Variants in HMGXB4 observed in about 807,000 individuals in gnomAD.
HMGXB4 encodes HMG domain-containing protein 4.
A neutral mutation model predicts 63.9 loss-of-function variants in HMGXB4; 27 were observed. That is an observed-to-expected ratio of 0.42 (90% confidence interval 0.31 to 0.58). The LOEUF is 0.58. Ranked by LOEUF, HMGXB4 falls within the 20% of genes least tolerant of loss-of-function variation. HMGXB4 has a pLI of 0.13. For synonymous variants in HMGXB4, 264 were observed against 265.3 expected (o/e 0.99, Z 0.05); for missense variants, 624 against 700.7 (o/e 0.89, Z 1.24).
chr22:35,279,216 G>A (rs554675531), intron 5 of HMGXB4, among the ~76,000 whole-genome samples: 11 of 126,398 alleles, frequency 8.7e-5, no homozygotes, highest in African/African-American at 2.1e-4. Context: ...GCACAATCTC[G>A]GCTCACCGCA....
At chr22:35,280,409 C>A (rs370734024) in intron 5 of HMGXB4, among the ~76,000 whole-genome samples, 1 of 152,172 alleles carries the variant, frequency 6.6e-6, no homozygotes, top group Non-Finnish European at 1.5e-5. Flanking sequence ...AATGCAGATT[C>A]GCTGGTCTTC....
At chr22:35,281,186 C>G (rs987310776) in intron 5 of HMGXB4, among the ~76,000 whole-genome samples, 3 of 152,178 alleles carry the variant, frequency 2.0e-5, no homozygotes, top group African/African-American at 7.2e-5. Context: ...ATTAGAAAAG[C>G]TATCCACTTC....
intron 6 of HMGXB4, among the ~76,000 whole-genome samples, chr22:35,285,439 G>A (rs1036979691): frequency 5.3e-5 from 8 of 152,198 alleles, no homozygotes; most frequent in African/African-American, 9.7e-5. Context: ...CAGCTACTCC[G>A]GAGGCTGAGG....
chr22:35,262,075 T>C (rs1922894969), intron 1 of HMGXB4: 1 of 307,100 alleles, frequency 3.3e-6, no homozygotes, highest in African/African-American at 2.2e-5. Context: ...ATTTTTTGTA[T>C]TGGAGGTATT....
At chr22:35,263,309 T>C (rs1043790789) in intron 3 of HMGXB4, 83 bp downstream of exon 3, 10 of 1,185,944 alleles carry the variant, frequency 8.4e-6, no homozygotes, top group African/African-American at 3.1e-5. Context: ...TGTTTTTTTT[T>C]TTTTTCTCTC....
rs763993813 is a variant in HMGXB4 at position 35,265,362 on chromosome 22, G to A, written c.974G>A (p.Ser325Asn). The A allele has an allele frequency of 2.7e-5, 44 of 1,613,568 alleles. No individual in the cohort carries two copies. The South Asian group carries it at 4.6e-4, about 17-fold the overall frequency. The change falls in exon 5 of 11, where the codon AGC becomes AAC. Residue 325 changes from serine (S) to asparagine (N), a missense_variant. Transcript: ENST00000216106. ...AAGAAGAAAAAGAAGTCAAAGAAGAGCAAAAAGAAGAAAGACAAGGAGAAG... is the reference window on the plus strand; with the variant it reads ...AAGAAGAAAAAGAAGTCAAAGAAGAACAAAAAGAAGAAAGACAAGGAGAAG... ...EIKKKKKSKK[S>N]KKKKDKEKHK...
chr22:35,255,412 G>C (rs2146385052), upstream of HMGXB4, among the ~76,000 whole-genome samples: 1 of 152,334 alleles, frequency 6.6e-6, no homozygotes, highest in African/African-American at 2.4e-5. Context: ...CTACTTGGGG[G>C]GCTGAGGTGG....
In HMGXB4 at chr22:35,293,757, T is replaced by G. The variant is rs1411571028; in HGVS notation, c.*106T>G. 1.3e-5 allele frequency: 9 copies of G among 718,938 alleles called. No homozygotes were observed. The Admixed American group carries it at 2.0e-4, about 16-fold the overall frequency. The allele number at this position is 718,938 out of a possible 1,614,324, so 44.5% of individuals were successfully genotyped here. ...TGGCCTCTGGCTGTAGGTTTTAAAT[T>G]TTTATATCTATACATACATATATAC... On this transcript the variant is annotated 3_prime_UTR_variant, in exon 11 of 11. Transcript: ENST00000216106.
the HMGXB4 span, among the ~76,000 whole-genome samples, chr22:35,248,832 GC>G: frequency 6.6e-6 from 1 of 152,236 alleles, no homozygotes; most frequent in African/African-American, 2.4e-5. Context: ...TTCCCACCGG[GC>G]CCCATCCAAT....
chr22:35,253,613 G>A (rs967214764), upstream of HMGXB4, among the ~76,000 whole-genome samples: 11 of 151,902 alleles, frequency 7.2e-5, no homozygotes, highest in Admixed American at 2.6e-4. Flanking sequence ...GCGCGCGCGC[G>A]CGCGTGTGTG....
At chr22:35,283,852 C>T (rs1026875508) in intron 5 of HMGXB4, 110 bp from the exon 6 acceptor site, 2 of 713,510 alleles carry the variant, frequency 2.8e-6, no homozygotes, top group African/African-American at 1.7e-5. Context: ...GGAACTCTTC[C>T]CTTGATGAAA....
At chr22:35,257,431 C>G (rs1922478770), upstream of HMGXB4, 1 of 152,706 alleles carries the variant, frequency 6.5e-6, no homozygotes, top group Non-Finnish European at 1.5e-5. Context: ...GCGGGATTCC[C>G]CCTCCGGAGC....
intron 5 of HMGXB4, among the ~76,000 whole-genome samples, chr22:35,269,555 A>G (rs980979179): frequency 8.5e-5 from 13 of 152,240 alleles, no homozygotes; most frequent in Non-Finnish European, 1.3e-4. Context: ...GGATGAAAAC[A>G]TAGTACTGAA....
chr22:35,262,083 A>G (rs1303343629), intron 1 of HMGXB4: 6 of 326,044 alleles, frequency 1.8e-5, no homozygotes, highest in South Asian at 5.1e-5. Context: ...TATTGGAGGT[A>G]TTTTATATAC....
In HMGXB4 at chr22:35,273,501, C is replaced by T. The variant is rs138848204; in HGVS notation, c.1215+7898C>T. Among the ~76,000 whole-genome samples, 102 of 152,332 alleles carry T rather than the reference C, an allele frequency of 6.7e-4. 1 individual carries two copies. The East Asian group carries it at 0.011, about 16-fold the overall frequency. On this transcript the variant is annotated intron_variant, in intron 5 of 10. Transcript: ENST00000216106. ...GGTGGTGCATGTAACATGCTTAGCA[C>T]AGGGCATGGCTTAGTAAATGTCAGC... is the stretch of plus-strand genomic sequence containing the variant.
intron 5 of HMGXB4, among the ~76,000 whole-genome samples, chr22:35,280,160 A>G (rs1407346223): frequency 3.9e-5 from 6 of 151,918 alleles, no homozygotes; most frequent in African/African-American, 1.4e-4. Context: ...CATATAACGT[A>G]ATATGACCAT....
Position 35,262,365 on chromosome 22 carries a change from A to T in HMGXB4, c.-26A>T. ...GGAAGGAGCCTGGACACAGTGACAC[A>T]TTCTCAAAGGCCCTGCAGGACCACC... On this transcript the variant is annotated 5_prime_UTR_variant, in exon 2 of 11. Transcript: ENST00000216106. The T allele has an allele frequency of 6.2e-7, 1 of 1,613,060 alleles. No individual in the cohort carries two copies.
At chr22:35,243,229 G>C in the HMGXB4 span, among the ~76,000 whole-genome samples, 3 of 152,114 alleles carry the variant, frequency 2.0e-5, no homozygotes, top group Admixed American at 2.0e-4. Flanking sequence ...AATTAGCCAG[G>C]TGTGGTGGCG....
Position 35,294,760 on chromosome 22 carries a change from G to A in HMGXB4, c.*1109G>A, listed in dbSNP as rs1201463511. On this transcript the variant is annotated 3_prime_UTR_variant, in exon 11 of 11. Transcript: ENST00000216106. The stretch of plus-strand genomic sequence containing the variant: ...GAAGCCTCCACCAGCAACAGCATGT[G>A]GAAGATACAGATTTGTCATTTCTCC... 1 of 152,034 alleles carries A rather than the reference G, an allele frequency of 6.6e-6. No individual in the cohort carries two copies. The highest frequency in any genetic ancestry group is 1.5e-5 in the Non-Finnish European group (1 of 68,030). The allele number at this position is 152,034 out of a possible 1,614,324, so 9.4% of individuals were successfully genotyped here. A position where few individuals can be genotyped will look rare whatever the true frequency, so the allele number is the denominator to read the frequency against.
Sources: gnomAD v4.1 joint callset for allele counts (sites outside exome capture counted in the v4.1 genomes callset) on GRCh38, gnomAD v4.1.1 for gene constraint, MANE v1.5 for transcripts, NCBI Gene and HGNC (gene_info 2026-07-23, HGNC 2026-07-21) for gene names.